GMDS: variants seen among roughly 807,000 people sequenced by gnomAD.
GMDS encodes GDP-mannose 4,6-dehydratase.
Under a neutral mutation model 49.9 loss-of-function variants are expected in GMDS, and 20 were observed. The observed-to-expected ratio is 0.40, with a 90% CI of 0.28 to 0.58. The LOEUF is 0.58. Among genes scored for constraint, GMDS ranks in the 20% least tolerant of loss-of-function variants. GMDS has a pLI of 0.42. For synonymous variants in GMDS, 177 were observed against 178.6 expected (o/e 0.99, Z 0.07); for missense variants, 362 against 481.4 (o/e 0.75, Z 2.32).
chr6:2,154,478 T>C (rs1777002105), intron 1 of GMDS, among the ~76,000 whole-genome samples: 2 of 152,088 alleles, frequency 1.3e-5, no homozygotes, highest in African/African-American at 2.4e-5. Flanking sequence ...ATTAAGATAC[T>C]GGGAAGTGGT....
At chr6:1,963,031 C>T (rs1385742690) in intron 4 of GMDS, among the ~76,000 whole-genome samples, 1 of 151,672 alleles carries the variant, frequency 6.6e-6, no homozygotes, top group Non-Finnish European at 1.5e-5. Context: ...CATGCACCAC[C>T]ACGCCCAGCT....
At chr6:2,155,586 T>C (rs546081335) in intron 1 of GMDS, among the ~76,000 whole-genome samples, 255 of 152,244 alleles carry the variant, frequency 1.7e-3, no homozygotes, top group African/African-American at 5.9e-3. Flanking sequence ...CAGGAGAAGA[T>C]TAGTGTGTAC....
intron 9 of GMDS, among the ~76,000 whole-genome samples, chr6:1,643,373 C>T (rs1569668): frequency 2.4e-4 from 36 of 152,294 alleles, no homozygotes; most frequent in African/African-American, 7.9e-4. Flanking sequence ...TGACTGCCCA[C>T]GGGGCAGCTG....
intron 1 of GMDS, among the ~76,000 whole-genome samples, chr6:2,126,379 A>AGGC (rs1554168268): frequency 6.6e-6 from 1 of 152,184 alleles, no homozygotes; most frequent in Non-Finnish European, 1.5e-5. Context: ...CAATTTGAAC[A>AGGC]GGCTTTAAAT....
At chr6:1,732,820 T>A (rs535036289) in intron 8 of GMDS, among the ~76,000 whole-genome samples, 1 of 152,228 alleles carries the variant, frequency 6.6e-6, no homozygotes. Context: ...TGAGAACTCC[T>A]GTAGAATGAT....
chr6:2,162,718 C>G (rs1314057786), intron 1 of GMDS, among the ~76,000 whole-genome samples: 1 of 143,864 alleles, frequency 7.0e-6, no homozygotes, highest in Non-Finnish European at 1.5e-5. Context: ...ACAAAACTTT[C>G]CTGGTGCTTC....
At chr6:1,652,377 AAAAATATATATATATT>A (rs1233938671) in intron 9 of GMDS, among the ~76,000 whole-genome samples, 248 of 9,128 alleles carry the variant, frequency 0.027, 38 homozygotes, top group African/African-American at 0.05. Flanking sequence ...CGCTAAAAAA[AAAAATATATATATATT>A]ATATATATAT....
intron 9 of GMDS, among the ~76,000 whole-genome samples, chr6:1,677,952 AT>A (rs1156605022): frequency 3.3e-5 from 5 of 152,326 alleles, no homozygotes; most frequent in East Asian, 1.9e-4. Context: ...TAATAAAAAA[AT>A]AAATAAAAAC....
intron 4 of GMDS, among the ~76,000 whole-genome samples, chr6:1,974,690 A>C (rs1298239768): frequency 1.3e-5 from 2 of 152,258 alleles, no homozygotes; most frequent in East Asian, 3.9e-4. Context: ...CTGTAGAACT[A>C]CATGCACTAT....
intron 7 of GMDS, among the ~76,000 whole-genome samples, chr6:1,825,520 T>C (rs1187641454): frequency 6.6e-6 from 1 of 152,186 alleles, no homozygotes; most frequent in Non-Finnish European, 1.5e-5. Context: ...GGTGATTTTG[T>C]TGGGCCCAAA....
intron 4 of GMDS, among the ~76,000 whole-genome samples, chr6:1,983,658 A>G (rs1765360765): frequency 1.3e-5 from 2 of 152,248 alleles, no homozygotes; most frequent in African/African-American, 4.8e-5. Context: ...AATGCAAATC[A>G]AAACCACAAT....
At chr6:1,824,363 C>A (rs1771020714) in intron 7 of GMDS, among the ~76,000 whole-genome samples, 1 of 152,114 alleles carries the variant, frequency 6.6e-6, no homozygotes, top group Non-Finnish European at 1.5e-5. Flanking sequence ...ACACTTTCTA[C>A]AACATCATTC....
chr6:1,969,390 A>G (rs901489206), intron 4 of GMDS, among the ~76,000 whole-genome samples: 1 of 151,812 alleles, frequency 6.6e-6, no homozygotes, highest in African/African-American at 2.4e-5. Flanking sequence ...GTGTAAATGA[A>G]TTAAGGGAAG....
chr6:1,906,296 A>G (rs3800124), intron 7 of GMDS, among the ~76,000 whole-genome samples: 145,982 of 152,246 alleles, frequency 0.96, 70,117 homozygotes, highest in Middle Eastern at 0.99. Flanking sequence ...CAGCATTGAG[A>G]GCTGGGGTGC....
chr6:2,203,555 G>A (rs1272231578), intron 1 of GMDS, among the ~76,000 whole-genome samples: 1 of 151,988 alleles, frequency 6.6e-6, no homozygotes, highest in African/African-American at 2.4e-5. Context: ...GTGAATACTG[G>A]TGTGACATTT....
chr6:2,116,918 C>T (rs1461170604), intron 3 of GMDS, among the ~76,000 whole-genome samples: 1 of 152,104 alleles, frequency 6.6e-6, no homozygotes, highest in African/African-American at 2.4e-5. Context: ...ACCATAAGCT[C>T]AAACAAGAAA....
intron 7 of GMDS, among the ~76,000 whole-genome samples, chr6:1,810,290 GTTTA>G (rs1770363125): frequency 6.6e-6 from 1 of 151,968 alleles, no homozygotes; most frequent in Non-Finnish European, 1.5e-5. Context: ...CAGAGGAGAA[GTTTA>G]TTTATTTTTA....
chr6:1,827,296 T>C (rs554608060), intron 7 of GMDS, among the ~76,000 whole-genome samples: 14 of 151,854 alleles, frequency 9.2e-5, no homozygotes, highest in African/African-American at 1.9e-4. Context: ...TATACACACA[T>C]GTTTTGGAAA....
At chr6:1,930,059 A>G in intron 7 of GMDS, 44 bp downstream of exon 7, 1 of 1,544,010 alleles carries the variant, frequency 6.5e-7, no homozygotes. Context: ...TTAGAATATC[A>G]ATGGATACGG....
Sources: gnomAD v4.1 joint callset for allele counts (sites outside exome capture counted in the v4.1 genomes callset) on GRCh38, gnomAD v4.1.1 for gene constraint, MANE v1.5 for transcripts, NCBI Gene and HGNC (gene_info 2026-07-23, HGNC 2026-07-21) for gene names.